The following PPARGC1A variants were observed in gnomAD, a reference collection of about 807,000 sequenced individuals.
PPARGC1A encodes the protein peroxisome proliferator-activated receptor gamma coactivator 1-alpha.
Under a neutral mutation model 88.7 loss-of-function variants are expected in PPARGC1A, and 25 were observed. That is an observed-to-expected ratio of 0.28 (90% CI 0.21 to 0.39). The LOEUF is 0.39. Ranked by LOEUF, PPARGC1A falls within the 10% of genes least tolerant of loss-of-function variation. PPARGC1A has a pLI of 1.00. For synonymous variants in PPARGC1A, 363 were observed against 355.6 expected, an observed-to-expected ratio of 1.02 and a Z score of -0.24; for missense variants, 880 against 968.7, an observed-to-expected ratio of 0.91 and a Z score of 1.22.
chr4:24,416,004 G>A, the PPARGC1A span, among the ~76,000 whole-genome samples: 3 of 152,212 alleles, frequency 2.0e-5, no homozygotes, highest in East Asian at 3.9e-4. Flanking sequence ...GCAAGGGGTC[G>A]TGATTAATTT....
At chr4:24,295,010 G>T in the PPARGC1A span, among the ~76,000 whole-genome samples, 1 of 152,206 alleles carries the variant, frequency 6.6e-6, no homozygotes, top group African/African-American at 2.4e-5. Flanking sequence ...ATGGGCAACT[G>T]ATTGTGCTGT....
rs369826469 is a variant in PPARGC1A at position 23,889,993 on chromosome 4, C to T, written c.-36G>A. ...AATGACGCCAGTCAAGCTTTTTCAA[C>T]TCCAATCCACAGTGACACAGAGCAC... is the stretch of plus-strand genomic sequence containing the variant. On this transcript the variant is annotated 5_prime_UTR_variant, in exon 1 of 13. Coordinates refer to ENST00000264867, the MANE Select transcript of PPARGC1A (RefSeq NM_013261.5). 2.5e-6 allele frequency: 4 copies of T among 1,612,794 alleles called. No homozygotes were observed. In the African/African-American group the frequency reaches 5.3e-5, roughly 22 times the overall value.
chr4:24,340,333 A>G, the PPARGC1A span, among the ~76,000 whole-genome samples: 1 of 152,204 alleles, frequency 6.6e-6, no homozygotes, highest in African/African-American at 2.4e-5. Flanking sequence ...ACAAAAAAGA[A>G]CGCACAACTT....
At chr4:23,991,139 A>C in the PPARGC1A span, among the ~76,000 whole-genome samples, 1 of 152,020 alleles carries the variant, frequency 6.6e-6, no homozygotes, top group African/African-American at 2.4e-5. Flanking sequence ...GGTCAGTCAT[A>C]AATGACACAG....
At chr4:24,269,701 C>A in the PPARGC1A span, among the ~76,000 whole-genome samples, 17 of 151,944 alleles carry the variant, frequency 1.1e-4, no homozygotes, top group African/African-American at 3.9e-4. Context: ...AAACTCAAGG[C>A]TTTGTTGTAA....
the PPARGC1A span, among the ~76,000 whole-genome samples, chr4:24,452,495 AAAGGT>A: frequency 6.6e-6 from 1 of 152,176 alleles, no homozygotes; most frequent in Non-Finnish European, 1.5e-5. Context: ...TTGAATAGGC[AAAGGT>A]TAGGATCCAT....
the PPARGC1A span, among the ~76,000 whole-genome samples, chr4:24,319,617 T>G: frequency 2.6e-5 from 4 of 152,208 alleles, no homozygotes; most frequent in African/African-American, 9.6e-5. Flanking sequence ...TGAGTTTTGG[T>G]GACTCATTAC....
At chr4:24,083,510 T>A in the PPARGC1A span, among the ~76,000 whole-genome samples, 11 of 152,270 alleles carry the variant, frequency 7.2e-5, no homozygotes, top group South Asian at 2.3e-3. Flanking sequence ...CTTAGAACAC[T>A]TTTATACCAT....
At chr4:24,028,913 T>C in the PPARGC1A span, among the ~76,000 whole-genome samples, 1 of 152,180 alleles carries the variant, frequency 6.6e-6, no homozygotes, top group Admixed American at 6.5e-5. Context: ...ACTTTTATTT[T>C]TCTATTAATT....
intron 12 of PPARGC1A, 32 bp from the exon 13 acceptor site, chr4:23,795,957 C>A: frequency 5.3e-6 from 8 of 1,498,900 alleles, no homozygotes; most frequent in Non-Finnish European, 7.4e-6. Flanking sequence ...TTTAGATACA[C>A]ACTTTGCTGA....
At chr4:24,321,378 GA>G in the PPARGC1A span, among the ~76,000 whole-genome samples, 1 of 152,174 alleles carries the variant, frequency 6.6e-6, no homozygotes, top group Admixed American at 6.5e-5. Flanking sequence ...CTATAATGAT[GA>G]AGCTGGCAGT....
At chr4:24,469,815 TTC>T in the PPARGC1A span, among the ~76,000 whole-genome samples, 2 of 152,144 alleles carry the variant, frequency 1.3e-5, no homozygotes, top group South Asian at 2.1e-4. Context: ...CCGCAAATGG[TTC>T]TCTCTTTCCT....
chr4:23,901,231 G>C (rs574660675), upstream of PPARGC1A, among the ~76,000 whole-genome samples: 1 of 152,178 alleles, frequency 6.6e-6, no homozygotes, highest in South Asian at 2.1e-4. Flanking sequence ...TTAGCCAGGC[G>C]TGGTGGCAGG....
chr4:24,059,317 G>A, the PPARGC1A span, among the ~76,000 whole-genome samples: 52,029 of 152,054 alleles, frequency 0.34, 9,068 homozygotes, highest in South Asian at 0.41. Context: ...TTTGTCCAAC[G>A]TATCAATGCA....
chr4:23,913,300 AGAGAGAG>A, the PPARGC1A span, among the ~76,000 whole-genome samples: 8 of 144,532 alleles, frequency 5.5e-5, no homozygotes, highest in Non-Finnish European at 7.5e-5. Flanking sequence ...AGAGAGAGAG[AGAGAGAG>A]AAAGAGAAAA....
chr4:24,258,780 CAACATTTTTAGAAGGGTGTATTT>C, the PPARGC1A span, among the ~76,000 whole-genome samples: 721 of 152,272 alleles, frequency 4.7e-3, 5 homozygotes, highest in Middle Eastern at 0.01. Flanking sequence ...ATTTCGTTAA[CAACATTTTTAGAAGGGTGTATTT>C]TTAACAGTCC....
the PPARGC1A span, among the ~76,000 whole-genome samples, chr4:24,269,656 TTTA>T: frequency 5.6e-5 from 4 of 71,792 alleles, no homozygotes; most frequent in Non-Finnish European, 1.2e-4. Flanking sequence ...ATCATCACAC[TTTA>T]TTATCATCAT....
Position 23,795,329 on chromosome 4 carries a change from A to ATATATATATT in PPARGC1A, c.*492_*493insAATATATATA, listed in dbSNP as rs1335453292. On this transcript the variant is annotated 3_prime_UTR_variant, in exon 13 of 13. Transcript: ENST00000264867. ...TATATATATATATATATATATATAT[A>ATATATATATT]TTTCCTTTTGAATAGAATACGAACA... The ATATATATATT allele has an allele frequency of 8.6e-4, 9 of 10,526 alleles. No individual in the cohort carries two copies. Among genetic ancestry groups the ATATATATATT allele is most frequent in the East Asian group, 7.2e-3 (5 of 698 alleles). The allele number at this position is 10,526 out of a possible 1,614,324, so 0.7% of individuals were successfully genotyped here.
the PPARGC1A span, among the ~76,000 whole-genome samples, chr4:24,195,665 C>A: frequency 7.2e-5 from 11 of 152,100 alleles, no homozygotes; most frequent in Non-Finnish European, 1.2e-4. Flanking sequence ...TTATGCAAAC[C>A]ATCATGATAT....
Sources: gnomAD v4.1 joint callset for allele counts (sites outside exome capture counted in the v4.1 genomes callset) on GRCh38, gnomAD v4.1.1 for gene constraint, MANE v1.5 for transcripts, NCBI Gene and HGNC (gene_info 2026-07-23, HGNC 2026-07-21) for gene names.